The following CELF3 variants were observed in gnomAD, a reference collection of about 807,000 sequenced individuals.
The protein encoded by CELF3 is CUGBP Elav-like family member 3.
CELF3 carries 26 observed loss-of-function variants against 59.6 expected under a neutral mutation model. The ratio of observed to expected loss-of-function variants is 0.44; its 90% CI spans 0.32 to 0.61. The LOEUF (loss-of-function observed/expected upper bound fraction) is 0.61. CELF3 is among the 20% of genes least tolerant of loss of function. The pLI, the probability that CELF3 is intolerant of heterozygous loss-of-function variation, is 0.06. For missense variants in CELF3, 387 were observed against 627.2 expected (o/e 0.62, Z 4.09); for synonymous variants, 245 against 250.7 (o/e 0.98, Z 0.22).
Position 151,716,233 on chromosome 1 carries a change from C to G in CELF3, c.-213G>C. The G allele has an allele frequency of 2.0e-6, 1 of 512,656 alleles. No homozygotes were observed. 31.8% of individuals were successfully genotyped at this position (512,656 alleles called of 1,614,324 possible). A position where few individuals can be genotyped will look rare whatever the true frequency, so the allele number is the denominator to read the frequency against. ...GCTAGGGGTCAGGGGTCTAGGCAGA[C>G]GCTGTCATGCCACCAGGGGGCATCG... On this transcript the variant is annotated 5_prime_UTR_variant, in exon 1 of 13. Transcript: ENST00000290583.
rs1353109976 is a variant in CELF3, at chr1:151,714,620, G to C, written c.202C>G (p.Leu68Val). Residue 68 changes from leucine to valine, a missense_variant, in exon 2 of 13, where the codon CTG becomes GTG. By Grantham distance (32) the Leu-to-Val change is conservative (BLOSUM62 1). This residue lies in a region of CELF3 where 208 missense variants were observed against 354.8 expected (regional missense o/e 0.59). Transcript: ENST00000290583. ...CCTGGAAGCGTCTTCTGTTCGTGCA[G>C]GGCGCTCTGGGCCTTCAGGGCTGAA... ...RDSALKAQSA[L>V]HEQKTLPGMN... The C allele has an allele frequency of 1.3e-6, 2 of 1,559,386 alleles. No homozygotes were observed. The highest frequency in any genetic ancestry group is 1.7e-6 in the Non-Finnish European group (2 of 1,151,306).
At chr1:151,713,566 C>T (rs1163328657) in intron 2 of CELF3, 1 of 152,206 alleles carries the variant, frequency 6.6e-6, no homozygotes, top group African/African-American at 2.4e-5. Flanking sequence ...ACAGGGAAGG[C>T]AAGTTGGGAC....
At chr1:151,708,025 A>G in intron 5 of CELF3, 90 bp from the exon 6 acceptor site, 1 of 1,434,654 alleles carries the variant, frequency 7.0e-7, no homozygotes, top group Admixed American at 2.3e-5. Flanking sequence ...TTCCACCCCC[A>G]TGGCATGGCT....
chr1:151,709,486 G>T lies in CELF3; in HGVS notation c.278-138C>A. 8.1e-7 allele frequency: 1 copy of T among 1,228,986 alleles called. No homozygotes were observed. Among genetic ancestry groups the T allele is most frequent in the African/African-American group, 1.5e-5 (1 of 67,160 alleles). 76.1% of individuals were successfully genotyped at this position (1,228,986 alleles called of 1,614,324 possible). A position where few individuals can be genotyped will look rare whatever the true frequency, so the allele number is the denominator to read the frequency against. ...CCAATGGCTGTAGGGGCTGATGGTT[G>T]GGGAATGGGGTATAGTTGCAGAGGG... On this transcript the variant is annotated intron_variant, in intron 3 of 12. Transcript: ENST00000290583. This position sits in a 1 kb window ranked among gnomAD's most constrained non-coding sequence, Gnocchi z 4.9.
At position 151,705,146 on chromosome 1, in the gene CELF3, C is replaced by T. The variant is rs530978624; in HGVS notation, c.1293G>A (p.Pro431=). The T allele has an allele frequency of 3.2e-5, 52 of 1,613,404 alleles. No homozygotes were observed. The highest frequency in any genetic ancestry group is 4.0e-5 in the African/African-American group (3 of 74,916). The change falls in exon 12 of 13, where the codon CCG becomes CCA. Residue 431 remains proline (P), a synonymous_variant. Coordinates refer to ENST00000290583, the MANE Select transcript of CELF3 (RefSeq NM_007185.7). This position sits in a 1 kb window ranked among gnomAD's most constrained non-coding sequence, Gnocchi z 5.1. The stretch of plus-strand genomic sequence containing the variant: ...CCTGGATGGCAGCCTGGGCACTGGC[C>T]GGATTGTCGAAACTCACAAAGCCTG... The part of the protein sequence containing the change: ...KCFGFVSFDN[P]ASAQAAIQAM...
intron 10 of CELF3, 121 bp from the exon 11 acceptor site, chr1:151,706,086 G>GGCCCCAGT: frequency 6.3e-7 from 1 of 1,589,604 alleles, no homozygotes; most frequent in Non-Finnish European, 8.6e-7. Context: ...TTGACAGTGT[G>GGCCCCAGT]GGCCAAGTCT....
At chr1:151,714,761 C>A in intron 1 of CELF3, 85 bp from the exon 2 acceptor site, 1 of 972,802 alleles carries the variant, frequency 1.0e-6, no homozygotes, top group Non-Finnish European at 1.6e-6. Context: ...CAAAGACTGA[C>A]GACTGGGAAG....
At chr1:151,707,027 A>G in intron 8 of CELF3, 118 bp downstream of exon 8, 2 of 1,180,776 alleles carry the variant, frequency 1.7e-6, no homozygotes, top group East Asian at 5.6e-5. Context: ...CCAGGATGGC[A>G]GGGCAGGAGG....
chr1:151,715,492 G>T (rs1299533143), intron 1 of CELF3: 2 of 640,466 alleles, frequency 3.1e-6, no homozygotes, highest in South Asian at 3.0e-5. Flanking sequence ...ATTATCTGAG[G>T]CTGCTCAGAT....
chr1:151,712,491 C>T (rs745506628), intron 2 of CELF3, among the ~76,000 whole-genome samples: 22 of 152,184 alleles, frequency 1.4e-4, no homozygotes, highest in Non-Finnish European at 2.9e-4. Flanking sequence ...GACTGCAGAC[C>T]GACAGGGAAG....
In CELF3 at chr1:151,701,756, A is replaced by AC. The variant is rs1312196142; in HGVS notation, c.*1702_*1703insG. ...TAGCAAGACCCTGTCTACAAAAAAA[A>AC]ACACCATTTTTAAAAATGAGCTGGG... On this transcript the variant is annotated 3_prime_UTR_variant, in exon 13 of 13. Coordinates refer to ENST00000290583, the MANE Select transcript of CELF3 (RefSeq NM_007185.7). 6.6e-6 allele frequency among the ~76,000 whole-genome samples: 1 copy of AC among 151,734 alleles called. No homozygotes were observed. The highest frequency in any genetic ancestry group is 1.9e-4 in the East Asian group (1 of 5,168).
rs771083616 is a variant in CELF3 at position 151,707,517 on chromosome 1, G to A, written c.762C>T (p.Thr254=). The A allele has an allele frequency of 2.5e-6, 4 of 1,610,474 alleles. No individual in the cohort carries two copies. The Admixed American group carries it at 6.7e-5, about 27-fold the overall frequency. The change falls in exon 7 of 13, where the codon ACC becomes ACT. Residue 254 remains threonine (T), a synonymous_variant. Coordinates refer to ENST00000290583, the MANE Select transcript of CELF3 (RefSeq NM_007185.7). ...NANGLIATPI[T]PSSGTSTPPA... ...TTGCCCAGGCCATACCTGAGGATGG[G>A]GTGATGGGGGTGGCGATGAGGCCAT...
At chr1:151,708,328 C>A in intron 5 of CELF3, 1 of 214,494 alleles carries the variant, frequency 4.7e-6, no homozygotes, top group East Asian at 1.2e-4. Context: ...CCTGCCCCCA[C>A]ACCCCAGTCC....
intron 2 of CELF3, chr1:151,711,896 T>C (rs532175883): frequency 6.6e-6 from 1 of 152,314 alleles, no homozygotes; most frequent in East Asian, 1.9e-4. Flanking sequence ...TGGCATAGGC[T>C]CCCAGGCACA....
intron 10 of CELF3, 84 bp from the exon 11 acceptor site, chr1:151,706,049 C>A (rs1255732015): frequency 1.3e-6 from 2 of 1,591,532 alleles, no homozygotes; most frequent in South Asian, 1.1e-5. Context: ...GAAAGCAGAT[C>A]CTGGGAGTGC....
At position 151,708,068 on chromosome 1, in the gene CELF3, G is replaced by A. The variant is rs564568231; in HGVS notation, c.487-133C>T. 151 of 950,048 alleles carry A rather than the reference G, an allele frequency of 1.6e-4. No homozygotes were observed. The African/African-American group carries it at 1.6e-3, about 10-fold the overall frequency. 58.9% of individuals were successfully genotyped at this position (950,048 alleles called of 1,614,324 possible). A position where few individuals can be genotyped will look rare whatever the true frequency, so the allele number is the denominator to read the frequency against. ...TCTGAGAGGGCGGCCACCATTTTGC[G>A]TATGAAAGATGGGGAGATATTAATC... On this transcript the variant is annotated intron_variant, in intron 5 of 12. Transcript: ENST00000290583.
chr1:151,715,640 C>T, intron 1 of CELF3: 2 of 1,495,654 alleles, frequency 1.3e-6, no homozygotes, highest in Non-Finnish European at 1.8e-6. Context: ...GGATCCACAT[C>T]TTTGCAGCCG....
rs1672855510 is a variant in CELF3, at chr1:151,709,691, C to A, written c.277+52G>T. 5.1e-6 allele frequency: 8 copies of A among 1,577,324 alleles called. No homozygotes were observed. The East Asian group carries it at 1.8e-4, about 35-fold the overall frequency. On this transcript the variant is annotated intron_variant, in intron 3 of 12. Coordinates refer to ENST00000290583, the MANE Select transcript of CELF3 (RefSeq NM_007185.7). This position sits in a 1 kb window ranked among gnomAD's most constrained non-coding sequence, Gnocchi z 4.9. ...GGCTACCCCTCGACAACTCCAGGCC[C>A]TGGGCCTGGGGGTGGGAGGAGAGGG...
Position 151,705,555 on chromosome 1 carries a change from A to G in CELF3, c.1270+267T>C, listed in dbSNP as rs1291436672. Among the ~76,000 whole-genome samples, 2 of 152,110 alleles carry G rather than the reference A, an allele frequency of 1.3e-5. No individual in the cohort carries two copies. Among genetic ancestry groups the G allele is most frequent in the Non-Finnish European group, 2.9e-5 (2 of 68,012 alleles). On this transcript the variant is annotated intron_variant, in intron 11 of 12. Coordinates refer to ENST00000290583, the MANE Select transcript of CELF3 (RefSeq NM_007185.7). The surrounding 1 kb of genome is among the most constrained non-coding windows in gnomAD (Gnocchi z 5.1). Reference sequence around the variant, plus strand: ...CGACTCCCCAAGCCCACCTTTTGCAAACCAAACATCCCCAGACCATAAGCC... The same window carrying G: ...CGACTCCCCAAGCCCACCTTTTGCAGACCAAACATCCCCAGACCATAAGCC...
Sources: gnomAD v4.1 joint callset for allele counts (sites outside exome capture counted in the v4.1 genomes callset) on GRCh38, gnomAD v4.1.1 for gene constraint, gnomAD v4.1.1 regional missense constraint, Gnocchi (gnomAD v3.1) non-coding constraint, MANE v1.5 for transcripts, NCBI Gene and HGNC (gene_info 2026-07-23, HGNC 2026-07-21) for gene names.